The following TRIP12 variants were observed in gnomAD, a reference collection of about 807,000 sequenced individuals.
The protein encoded by TRIP12 is thyroid hormone receptor interactor 12.
In TRIP12, 25 loss-of-function variants were observed where a neutral mutation model predicts 244.2. The ratio of observed to expected loss-of-function variants is 0.10; its 90% CI spans 0.07 to 0.14. The LOEUF is 0.14. TRIP12 is among the 10% of genes least tolerant of loss of function. The pLI is 1.00. For missense variants in TRIP12, 1,677 were observed against 2,486.4 expected, an observed-to-expected ratio of 0.67 and a Z score of 6.92; for synonymous variants, 905 against 873.1, an observed-to-expected ratio of 1.04 and a Z score of -0.64.
chr2:229,881,173 G>A lies in TRIP12; in HGVS notation c.-49-1045C>T, dbSNP rs143078625. 2.4e-3 allele frequency among the ~76,000 whole-genome samples: 368 copies of A among 152,288 alleles called. 1 individual carries two copies. Among genetic ancestry groups the A allele is most frequent in the African/African-American group, 8.0e-3 (333 of 41,566 alleles). On this transcript the variant is annotated intron_variant, in intron 1 of 41. Coordinates refer to ENST00000675903, the MANE Select transcript of TRIP12 (RefSeq NM_001348323.3). ...AGAGTTGTCAGCAACAAGAAATTGC[G>A]AAAGTATTTTTAGCTCAAATTTAGC...
At chr2:229,866,541 A>G (rs2061538613) in intron 2 of TRIP12, among the ~76,000 whole-genome samples, 1 of 152,208 alleles carries the variant, frequency 6.6e-6, no homozygotes, top group Non-Finnish European at 1.5e-5. Flanking sequence ...GAAGATATTA[A>G]AAGAGCATAA....
In TRIP12 at chr2:229,795,244, G is replaced by A. The variant is rs1382488505; in HGVS notation, c.3903C>T (p.Leu1301=). Residue 1301 remains leucine, a synonymous_variant, in exon 26 of 42, where the codon CTC becomes CTT. Transcript: ENST00000675903. The part of the protein sequence containing the change: ...LALVHKMNNC[L]SQMEQFPVKV... ...TGACTGGAAATTGTTCCATCTGGCT[G>A]AGGCAGTTGTTCATCTTGTGAACTA... The A allele has an allele frequency of 1.2e-6, 2 of 1,614,048 alleles. No homozygotes were observed. The highest frequency in any genetic ancestry group is 1.7e-6 in the Non-Finnish European group (2 of 1,179,980).
chr2:229,884,128 G>A (rs1411864612), intron 1 of TRIP12, among the ~76,000 whole-genome samples: 1 of 150,228 alleles, frequency 6.7e-6, no homozygotes, highest in Non-Finnish European at 1.5e-5. Flanking sequence ...CCAAAAACCT[G>A]TATGTTGTTG....
At chr2:229,897,045 G>A (rs1357312875) in intron 1 of TRIP12, among the ~76,000 whole-genome samples, 1 of 152,180 alleles carries the variant, frequency 6.6e-6, no homozygotes, top group African/African-American at 2.4e-5. Flanking sequence ...TTGATCACAG[G>A]AAAAGGCTAT....
In TRIP12 at chr2:229,880,068, C is replaced by T. The variant is rs771831962; in HGVS notation, c.12G>A (p.Arg4=). 2 of 1,614,080 alleles carry T rather than the reference C, an allele frequency of 1.2e-6. No individual in the cohort carries two copies. Among genetic ancestry groups the T allele is most frequent in the Non-Finnish European group, 8.5e-7 (1 of 1,180,026 alleles). ...GTGACCCCCCTGGATTGTTATTAGG[C>T]CGGTTGGACATTGGCACCTCTCTCT... is the stretch of plus-strand genomic sequence containing the variant. MSN[R]PNNNPGGSLR... Residue 4 remains arginine, a synonymous_variant, in exon 2 of 42, where the codon CGG becomes CGA. Transcript: ENST00000675903.
At chr2:229,831,122 A>G (rs2053236384) in intron 6 of TRIP12, 2 of 715,496 alleles carry the variant, frequency 2.8e-6, no homozygotes, top group African/African-American at 3.5e-5. Flanking sequence ...ACTGTTCTTT[A>G]ATTAAGATGT....
At chr2:229,890,293 T>C (rs1432426577) in intron 1 of TRIP12, among the ~76,000 whole-genome samples, 1 of 152,124 alleles carries the variant, frequency 6.6e-6, no homozygotes, top group Non-Finnish European at 1.5e-5. Context: ...TTGGCCAGGC[T>C]GGTCTGGAAC....
chr2:229,814,233 C>T lies in TRIP12; in HGVS notation c.1824G>A (p.Ala608=). Residue 608 remains alanine, a splice_region_variant and synonymous_variant, in exon 12 of 42, where the codon GCG becomes GCA. Transcript: ENST00000675903. ...SRRHSKAILQ[A]GGLADCLLYL... ...AGTCCCCTTCAGTAACAACACTTAC[C>T]GCCTGTAGAATGGCTTTACTATGTC... The T allele has an allele frequency of 6.2e-7, 1 of 1,613,826 alleles. No homozygotes were observed. Among genetic ancestry groups the T allele is most frequent in the East Asian group, 2.2e-5 (1 of 44,870 alleles).
intron 4 of TRIP12, among the ~76,000 whole-genome samples, chr2:229,850,261 G>C (rs1296413558): frequency 6.6e-6 from 1 of 152,076 alleles, no homozygotes; most frequent in Non-Finnish European, 1.5e-5. Context: ...ACAATTAAAT[G>C]ATCTCTTTTT....
chr2:229,864,190 A>G (rs896812293), intron 2 of TRIP12, among the ~76,000 whole-genome samples: 1 of 152,152 alleles, frequency 6.6e-6, no homozygotes, highest in Admixed American at 6.6e-5. Flanking sequence ...AACCGGGCTG[A>G]TATGTTAAAA....
At chr2:229,785,705 T>G (rs967597196) in intron 34 of TRIP12, 52 bp downstream of exon 34, 152 of 1,520,452 alleles carry the variant, frequency 1.0e-4, no homozygotes, top group Non-Finnish European at 1.3e-4. Flanking sequence ...AAATAACATT[T>G]AATTAAGAGC....
In TRIP12 at chr2:229,818,406, C is replaced by A. The variant is rs1463458340; in HGVS notation, c.1557G>T (p.Glu519Asp). Residue 519 changes from glutamate (E) to aspartate (D), a missense_variant, in exon 9 of 42, where the codon GAG (glutamate) becomes GAT (aspartate). Transcript: ENST00000675903. ...MCQLLVMGNE[E>D]TLGGFPVKSV... ...TCTTGACAGGAAACCCTCCCAGTGT[C>A]TCCTCATTTCCCATGACCAGTAACT... 1 of 1,613,972 alleles carries A rather than the reference C, an allele frequency of 6.2e-7. No homozygotes were observed. The highest frequency in any genetic ancestry group is 8.5e-7 in the Non-Finnish European group (1 of 1,179,976).
chr2:229,799,432 T>C (rs766545172), intron 21 of TRIP12, 49 bp from the exon 22 acceptor site: 1 of 1,521,368 alleles, frequency 6.6e-7, no homozygotes, highest in Non-Finnish European at 9.1e-7. Flanking sequence ...CACTGTTTTA[T>C]ATCTTCACTC....
intron 7 of TRIP12, among the ~76,000 whole-genome samples, chr2:229,829,656 AAAAC>A (rs1364579630): frequency 6.6e-6 from 1 of 152,210 alleles, no homozygotes. Flanking sequence ...AAGTGAAAAC[AAAAC>A]AAAACAGGCC....
At chr2:229,919,038 T>C (rs1577234054) in intron 1 of TRIP12, among the ~76,000 whole-genome samples, 1 of 152,238 alleles carries the variant, frequency 6.6e-6, no homozygotes, top group Non-Finnish European at 1.5e-5. Context: ...AAGCCAGTGA[T>C]GTTTTCCTTG....
At chr2:229,832,563 T>G (rs796700801) in intron 6 of TRIP12, among the ~76,000 whole-genome samples, 1 of 152,250 alleles carries the variant, frequency 6.6e-6, no homozygotes, top group African/African-American at 2.4e-5. Flanking sequence ...GCAGCATTTA[T>G]GAAAACGCTT....
chr2:229,816,019 C>T (rs1245871435), intron 9 of TRIP12, among the ~76,000 whole-genome samples: 1 of 152,104 alleles, frequency 6.6e-6, no homozygotes, highest in East Asian at 1.9e-4. Flanking sequence ...TCTGTCCTCT[C>T]GAAGCAGCTG....
At chr2:229,898,700 A>T (rs1011279973) in intron 1 of TRIP12, among the ~76,000 whole-genome samples, 2 of 151,704 alleles carry the variant, frequency 1.3e-5, no homozygotes, top group African/African-American at 4.8e-5. Flanking sequence ...TTTTGTTTAA[A>T]TTTTTTTTTA....
At chr2:229,914,176 G>A (rs777231930) in intron 1 of TRIP12, among the ~76,000 whole-genome samples, 43 of 152,102 alleles carry the variant, frequency 2.8e-4, no homozygotes, top group Non-Finnish European at 5.6e-4. Context: ...CTGCACTCCA[G>A]CCTGGGCGGC....
Sources: allele counts gnomAD v4.1 joint callset (sites outside exome capture counted in the v4.1 genomes callset), GRCh38; gene constraint gnomAD v4.1.1; transcripts MANE v1.5; gene names NCBI Gene and HGNC (gene_info 2026-07-23, HGNC 2026-07-21).